Variants in NARS2 observed in about 807,000 individuals in gnomAD.
The protein encoded by NARS2 is asparaginyl-tRNA synthetase 2, mitochondrial.
NARS2 carries 60 observed loss-of-function variants against 62.9 expected under a neutral mutation model. That is an observed-to-expected ratio of 0.95 (90% confidence interval 0.77 to 1.18). The LOEUF is 1.18. Among genes scored for constraint, NARS2 ranks in the 50% most tolerant of loss-of-function variants. NARS2 has a pLI of 0.00. For missense variants in NARS2, 619 were observed against 576.4 expected (o/e 1.07, Z -0.76); for synonymous variants, 196 against 200.0 (o/e 0.98, Z 0.17).
intron 6 of NARS2, among the ~76,000 whole-genome samples, chr11:78,515,025 C>T (rs75103586): frequency 0.015 from 2,226 of 152,060 alleles, 51 homozygotes; most frequent in African/African-American, 0.051. Flanking sequence ...CAAGAGGTCG[C>T]GACAAATTAC....
intron 11 of NARS2, among the ~76,000 whole-genome samples, chr11:78,447,105 C>G (rs1857789755): frequency 6.7e-6 from 1 of 150,358 alleles, no homozygotes; most frequent in Admixed American, 6.6e-5. Flanking sequence ...TGCTCAAAAT[C>G]ACTAATTATT....
At position 78,455,819 on chromosome 11, in the gene NARS2, G is replaced by A. The variant is rs115514521; in HGVS notation, c.1164+10057C>T. Among the ~76,000 whole-genome samples the A allele has an allele frequency of 1.8e-3, 267 of 151,860 alleles. 3 individuals are homozygous for A. Among genetic ancestry groups the A allele is most frequent in the Middle Eastern group, 6.8e-3 (2 of 294 alleles). ...GTGATTTTGCATGAGTGACTATACTGCTGCACTGAGAGGTAGCAGCCTCAT... is the reference window on the plus strand; with the variant it reads ...GTGATTTTGCATGAGTGACTATACTACTGCACTGAGAGGTAGCAGCCTCAT... On this transcript the variant is annotated intron_variant, in intron 11 of 13. Transcript: ENST00000281038.
chr11:78,470,353 C>T (rs1200035320), intron 9 of NARS2, among the ~76,000 whole-genome samples: 1 of 152,128 alleles, frequency 6.6e-6, no homozygotes, highest in Admixed American at 6.5e-5. Flanking sequence ...CATCTCCCTT[C>T]CATTGCGGTT....
At chr11:78,538,994 C>CAAAAAAAAAAAAAAAAA (rs59917269) in intron 5 of NARS2, among the ~76,000 whole-genome samples, 7 of 49,794 alleles carry the variant, frequency 1.4e-4, no homozygotes, top group African/African-American at 1.8e-4. Flanking sequence ...GAATCCGTCT[C>CAAAAAAAAAAAAAAAAA]AAAAAAAAAA....
At chr11:78,462,337 C>G (rs1383326037) in intron 11 of NARS2, among the ~76,000 whole-genome samples, 2 of 151,982 alleles carry the variant, frequency 1.3e-5, no homozygotes, top group African/African-American at 4.8e-5. Flanking sequence ...TTGCTGGCAA[C>G]CTGGGGGCCA....
At chr11:78,528,699 A>G in intron 6 of NARS2, 143 bp downstream of exon 6, 1 of 616,486 alleles carries the variant, frequency 1.6e-6, no homozygotes, top group Non-Finnish European at 2.8e-6. Context: ...CTGTACTACA[A>G]GTAAGAAGCT....
intron 11 of NARS2, among the ~76,000 whole-genome samples, chr11:78,457,222 A>C (rs777209653): frequency 2.6e-5 from 4 of 152,258 alleles, no homozygotes; most frequent in African/African-American, 9.6e-5. Context: ...AACTGTAAAA[A>C]CATACCATTT....
chr11:78,533,286 T>C (rs1861546256), intron 5 of NARS2: 1 of 152,236 alleles, frequency 6.6e-6, no homozygotes, highest in Non-Finnish European at 1.5e-5. Flanking sequence ...GAGACTGGAA[T>C]TGAAGCACTA....
At chr11:78,559,755 A>T (rs1856492721) in intron 4 of NARS2, 136 bp from the exon 5 acceptor site, 2 of 588,874 alleles carry the variant, frequency 3.4e-6, no homozygotes, top group African/African-American at 1.9e-5. Flanking sequence ...AAATATTAAG[A>T]CTACTGAAAA....
At chr11:78,482,496 C>G (rs903437965) in intron 7 of NARS2, among the ~76,000 whole-genome samples, 1 of 151,652 alleles carries the variant, frequency 6.6e-6, no homozygotes, top group Admixed American at 6.6e-5. Context: ...AGGCCGCTAG[C>G]TAGACTAATA....
chr11:78,466,424 T>A (rs189002739), intron 10 of NARS2, among the ~76,000 whole-genome samples: 5 of 152,318 alleles, frequency 3.3e-5, no homozygotes, highest in Admixed American at 3.3e-4. Flanking sequence ...GGAAATTAAA[T>A]GATAGAAGAT....
intron 11 of NARS2, among the ~76,000 whole-genome samples, chr11:78,447,634 G>A (rs372651083): frequency 1.3e-5 from 2 of 152,102 alleles, no homozygotes; most frequent in East Asian, 3.9e-4. Flanking sequence ...CAAATATTGT[G>A]TATATATATA....
chr11:78,563,883 C>CAATATTATTATTATTATT (rs1453360896), intron 4 of NARS2, among the ~76,000 whole-genome samples: 20 of 93,138 alleles, frequency 2.1e-4, no homozygotes, highest in African/African-American at 8.7e-4. Flanking sequence ...TACACACACA[C>CAATATTATTATTATTATT]AGTATTATTA....
At position 78,473,827 on chromosome 11, in the gene NARS2, A is replaced by T. The variant is rs762609082; in HGVS notation, c.960-4514T>A. Among the ~76,000 whole-genome samples, 35 of 152,146 alleles carry T rather than the reference A, an allele frequency of 2.3e-4. 1 individual carries two copies. Among genetic ancestry groups the T allele is most frequent in the Non-Finnish European group, 3.5e-4 (24 of 68,028 alleles). On this transcript the variant is annotated intron_variant, in intron 9 of 13. Transcript: ENST00000281038. The stretch of plus-strand genomic sequence containing the variant: ...CCTTTCATTAAGGGTGTAGTCCTTG[A>T]CCAGTTCTAGCTTTGTGTGTATATC...
intron 3 of NARS2, among the ~76,000 whole-genome samples, chr11:78,566,714 C>T (rs1856758235): frequency 6.6e-6 from 1 of 152,196 alleles, no homozygotes; most frequent in Non-Finnish European, 1.5e-5. Context: ...AAGCCCATAT[C>T]ATTCATAATC....
chr11:78,484,284 A>G (rs59695421), intron 7 of NARS2, among the ~76,000 whole-genome samples: 2,460 of 152,234 alleles, frequency 0.016, 58 homozygotes, highest in African/African-American at 0.056. Context: ...AACCATAAAA[A>G]CCCTAGAAAA....
intron 6 of NARS2, among the ~76,000 whole-genome samples, chr11:78,502,095 T>C (rs2135358241): frequency 6.6e-6 from 1 of 152,350 alleles, no homozygotes; most frequent in African/African-American, 2.4e-5. Context: ...TATGATTTCC[T>C]GTATATGAAA....
Position 78,566,195 on chromosome 11 carries a change from G to T in NARS2, c.450C>A (p.Asn150Lys). Reference sequence around the variant, plus strand: ...GAATCCTCAATATAGAACCCAGAACGTTAGTCCTACACCTAAAGTGAGGAT... The same window carrying T: ...GAATCCTCAATATAGAACCCAGAACTTTAGTCCTACACCTAAAGTGAGGAT... ...RQYPHFRCRT[N>K]VLGSILRIRS... is the part of the protein sequence containing the mutation. The change falls in exon 4 of 14, where the codon AAC becomes AAA. Residue 150 changes from asparagine (N) to lysine (K), a missense_variant. Physicochemically the swap from Asn to Lys is moderately conservative, Grantham distance 94. Coordinates refer to ENST00000281038, the MANE Select transcript of NARS2 (RefSeq NM_024678.6). 1 of 1,612,892 alleles carries T rather than the reference G, an allele frequency of 6.2e-7. No homozygotes were observed. The highest frequency in any genetic ancestry group is 8.5e-7 in the Non-Finnish European group (1 of 1,179,168).
intron 6 of NARS2, among the ~76,000 whole-genome samples, chr11:78,507,619 A>C (rs889009432): frequency 6.6e-6 from 1 of 151,050 alleles, no homozygotes; most frequent in Non-Finnish European, 1.5e-5. Context: ...TCCCGGGTTC[A>C]CGCCATTCTC....
Sources: gnomAD v4.1 joint callset for allele counts (sites outside exome capture counted in the v4.1 genomes callset) on GRCh38, gnomAD v4.1.1 for gene constraint, MANE v1.5 for transcripts, NCBI Gene and HGNC (gene_info 2026-07-23, HGNC 2026-07-21) for gene names.